ROBO2: variants seen among roughly 807,000 people sequenced by gnomAD.
The protein encoded by ROBO2 is roundabout homolog 2.
Under a neutral mutation model 160.8 loss-of-function variants are expected in ROBO2, and 53 were observed. The observed-to-expected ratio is 0.33, with a 90% CI of 0.26 to 0.41. ROBO2 has a LOEUF of 0.41. Ranked by LOEUF, ROBO2 falls within the 10% of genes least tolerant of loss-of-function variation. The probability of loss-of-function intolerance (pLI) is 1.00; values close to 1 mark genes in which losing one functional copy is unlikely to be tolerated. For missense variants in ROBO2, 1,577 were observed against 1,722.4 expected, an observed-to-expected ratio of 0.92 and a Z score of 1.49; for synonymous variants, 664 against 611.7, an observed-to-expected ratio of 1.09 and a Z score of -1.26.
chr3:76,520,509 G>T (rs1322443024), intron 2 of ROBO2, among the ~76,000 whole-genome samples: 2 of 152,106 alleles, frequency 1.3e-5, no homozygotes, highest in African/African-American at 4.8e-5. Context: ...AGAGTAGTGG[G>T]CTGAGAATCA....
chr3:76,817,449 A>G (rs1034474489), intron 2 of ROBO2, among the ~76,000 whole-genome samples: 1 of 152,136 alleles, frequency 6.6e-6, no homozygotes, highest in African/African-American at 2.4e-5. Context: ...GAAGAAGACA[A>G]TTGGTAAAGA....
intron 8 of ROBO2, among the ~76,000 whole-genome samples, chr3:77,556,533 G>C (rs1010112314): frequency 2.0e-5 from 3 of 151,740 alleles, no homozygotes; most frequent in Non-Finnish European, 2.9e-5. Flanking sequence ...GTTCTGAAAA[G>C]GCTGCTTAAC....
intron 2 of ROBO2, among the ~76,000 whole-genome samples, chr3:76,897,706 C>A (rs542103063): frequency 2.2e-5 from 3 of 137,754 alleles, no homozygotes; most frequent in Non-Finnish European, 3.1e-5. Flanking sequence ...GATAGAGTGG[C>A]CCTCACTTTT....
intron 2 of ROBO2, among the ~76,000 whole-genome samples, chr3:76,901,500 A>G (rs1319819949): frequency 6.8e-6 from 1 of 147,900 alleles, no homozygotes; most frequent in Non-Finnish European, 1.5e-5. Flanking sequence ...ACTGGGAGGC[A>G]GAGGTTACAG....
chr3:76,936,627 T>G (rs13095045), intron 2 of ROBO2, among the ~76,000 whole-genome samples: 24,837 of 150,020 alleles, frequency 0.17, 2,390 homozygotes, highest in Non-Finnish European at 0.22. Context: ...CCTTAGTAGG[T>G]TTTCTTTATA....
chr3:76,777,181 T>G (rs990835544), intron 2 of ROBO2, among the ~76,000 whole-genome samples: 3 of 151,150 alleles, frequency 2.0e-5, no homozygotes, highest in African/African-American at 7.3e-5. Flanking sequence ...CAAGGCACAC[T>G]GTTTAACTGC....
chr3:76,402,604 A>G (rs1311498002), intron 2 of ROBO2, among the ~76,000 whole-genome samples: 1 of 151,708 alleles, frequency 6.6e-6, no homozygotes, highest in Non-Finnish European at 1.5e-5. Flanking sequence ...TCTAAGGAAG[A>G]ACCCGTTTCC....
At position 76,996,685 on chromosome 3, in the gene ROBO2, C is replaced by T. The variant is rs917127219; in HGVS notation, c.110-101329C>T. Among the ~76,000 whole-genome samples the T allele has an allele frequency of 4.6e-5, 7 of 152,056 alleles. No individual in the cohort carries two copies. In the South Asian group the frequency reaches 8.3e-4, roughly 18 times the overall value. On this transcript the variant is annotated intron_variant, in intron 2 of 26. Transcript: ENST00000487694. ...ATTCAAACTGAACTTCTTTTAATGT[C>T]CAGTACATTCTTACCAAGTCGAGTA...
At chr3:76,623,167 T>C (rs2089351389) in intron 2 of ROBO2, among the ~76,000 whole-genome samples, 1 of 152,228 alleles carries the variant, frequency 6.6e-6, no homozygotes, top group South Asian at 2.1e-4. Context: ...ACTTTTTCAG[T>C]ATGTACATTG....
chr3:77,590,922 G>A (rs1346772354), intron 17 of ROBO2, among the ~76,000 whole-genome samples: 3 of 151,994 alleles, frequency 2.0e-5, no homozygotes, highest in Non-Finnish European at 4.4e-5. Flanking sequence ...TCATCTGCTT[G>A]TAGACGAACT....
chr3:76,706,525 T>C lies in ROBO2; in HGVS notation c.110-391489T>C, dbSNP rs193022434. On this transcript the variant is annotated intron_variant, in intron 2 of 26. Coordinates refer to the ROBO2 transcript ENST00000487694. ...CATTTTCACTCAGTACTATAGAATG[T>C]CACATGGTTGATTGAGTCCTGTTTT... Among the ~76,000 whole-genome samples, 657 of 152,172 alleles carry C rather than the reference T, an allele frequency of 4.3e-3. 1 individual carries two copies. The highest frequency in any genetic ancestry group is 6.7e-3 in the Non-Finnish European group (453 of 67,976).
intron 2 of ROBO2, among the ~76,000 whole-genome samples, chr3:76,905,619 C>A (rs1361908172): frequency 6.6e-6 from 1 of 152,090 alleles, no homozygotes; most frequent in Non-Finnish European, 1.5e-5. Context: ...CTGGGGATTA[C>A]CTCATTAAAA....
chr3:76,939,271 T>C (rs140796291), intron 2 of ROBO2, among the ~76,000 whole-genome samples: 4 of 152,346 alleles, frequency 2.6e-5, no homozygotes, highest in South Asian at 4.1e-4. Flanking sequence ...TATTTCTTGA[T>C]AAATCTTCAT....
At chr3:76,299,925 A>G (rs1025159724) in intron 2 of ROBO2, among the ~76,000 whole-genome samples, 1 of 152,184 alleles carries the variant, frequency 6.6e-6, no homozygotes, top group Non-Finnish European at 1.5e-5. Flanking sequence ...TGCAAAACAT[A>G]ACTGAGAGGA....
At chr3:76,398,244 A>C (rs969451314) in intron 2 of ROBO2, among the ~76,000 whole-genome samples, 1 of 146,926 alleles carries the variant, frequency 6.8e-6, no homozygotes, top group South Asian at 2.2e-4. Flanking sequence ...CAAACACTGC[A>C]TGTTCTCACT....
At chr3:76,673,573 A>C (rs2092326692) in intron 2 of ROBO2, among the ~76,000 whole-genome samples, 1 of 152,194 alleles carries the variant, frequency 6.6e-6, no homozygotes, top group Non-Finnish European at 1.5e-5. Flanking sequence ...GTAAATAGAA[A>C]TCAAGAAATG....
chr3:76,160,982 A>G (rs902339930), intron 2 of ROBO2, among the ~76,000 whole-genome samples: 1 of 152,284 alleles, frequency 6.6e-6, no homozygotes, highest in Non-Finnish European at 1.5e-5. Context: ...TGAACCAGTC[A>G]GGCTACCTCA....
At chr3:77,017,664 A>G in intron 2 of ROBO2, among the ~76,000 whole-genome samples, 1 of 152,208 alleles carries the variant, frequency 6.6e-6, no homozygotes, top group East Asian at 1.9e-4. Context: ...ACACAAACTC[A>G]TGAAAGTTTT....
intron 2 of ROBO2, among the ~76,000 whole-genome samples, chr3:76,824,042 A>T (rs1354290159): frequency 6.6e-6 from 1 of 152,126 alleles, no homozygotes; most frequent in African/African-American, 2.4e-5. Context: ...AGGGGCCATG[A>T]TCCTTTCATG....
Sources: allele counts gnomAD v4.1 joint callset (sites outside exome capture counted in the v4.1 genomes callset), GRCh38; gene constraint gnomAD v4.1.1; transcripts MANE v1.5; gene names NCBI Gene and HGNC (gene_info 2026-07-23, HGNC 2026-07-21).